PEX11G: variants seen among roughly 807,000 people sequenced by gnomAD.
PEX11G encodes the protein peroxisomal biogenesis factor 11 gamma.
A neutral mutation model predicts 22.5 loss-of-function variants in PEX11G; 20 were observed. The ratio of observed to expected loss-of-function variants is 0.89; its 90% CI spans 0.62 to 1.29. The LOEUF is 1.29. Ranked by LOEUF, PEX11G falls within the 50% of genes most tolerant of loss-of-function variation. The pLI, the probability that PEX11G is intolerant of heterozygous loss-of-function variation, is 0.00. For synonymous variants in PEX11G, 141 were observed against 154.5 expected, an observed-to-expected ratio of 0.91 and a Z score of 0.65; for missense variants, 347 against 331.3, an observed-to-expected ratio of 1.05 and a Z score of -0.37.
chr19:7,494,513 G>A (rs760618836), intron 1 of PEX11G, among the ~76,000 whole-genome samples: 25 of 152,188 alleles, frequency 1.6e-4, no homozygotes, highest in Non-Finnish European at 1.0e-4. Context: ...CAAGAGCCTT[G>A]GAACAGCGCA....
intron 1 of PEX11G, among the ~76,000 whole-genome samples, chr19:7,487,759 G>T (rs546766405): frequency 1.9e-3 from 296 of 152,210 alleles, no homozygotes; most frequent in Non-Finnish European, 3.1e-3. Flanking sequence ...TTCAGAAATT[G>T]CTTGTTCCTG....
intron 3 of PEX11G, among the ~76,000 whole-genome samples, chr19:7,479,054 G>A (rs1400807186): frequency 6.6e-6 from 1 of 152,242 alleles, no homozygotes; most frequent in Non-Finnish European, 1.5e-5. Flanking sequence ...AGAATGGGCA[G>A]GGCCTGGTCA....
upstream of PEX11G, among the ~76,000 whole-genome samples, chr19:7,493,227 C>T (rs1025723375): frequency 5.3e-5 from 8 of 151,890 alleles, no homozygotes; most frequent in African/African-American, 1.2e-4. Flanking sequence ...GAGTCTCACT[C>T]GGTTGCCCAG....
At chr19:7,481,672 G>A (rs1179183374) in intron 3 of PEX11G, among the ~76,000 whole-genome samples, 1 of 152,170 alleles carries the variant, frequency 6.6e-6, no homozygotes, top group Non-Finnish European at 1.5e-5. Context: ...ATGAGCCAAG[G>A]AATGTGGGTG....
intron 3 of PEX11G, among the ~76,000 whole-genome samples, chr19:7,480,535 T>G (rs1767373031): frequency 6.7e-6 from 1 of 150,334 alleles, no homozygotes; most frequent in Admixed American, 6.6e-5. Flanking sequence ...GGCAGGGTAT[T>G]AGGTCAAAGG....
intron 3 of PEX11G, among the ~76,000 whole-genome samples, chr19:7,480,858 CA>C (rs2145957629): frequency 6.6e-6 from 1 of 152,250 alleles, no homozygotes; most frequent in South Asian, 2.1e-4. Flanking sequence ...CTGGTGTTTT[CA>C]GGGGCAGGGG....
intron 3 of PEX11G, among the ~76,000 whole-genome samples, chr19:7,480,247 CAAA>C (rs59917736): frequency 7.4e-6 from 1 of 135,308 alleles, no homozygotes; most frequent in African/African-American, 2.7e-5. Context: ...CAGCCTGTCT[CAAA>C]AAAAAAAAAA....
At chr19:7,490,490 A>ATTTTTTTT (rs59322811), upstream of PEX11G, among the ~76,000 whole-genome samples, 430 of 114,230 alleles carry the variant, frequency 3.8e-3, no homozygotes, top group Non-Finnish European at 5.3e-3. Flanking sequence ...CGCCTGGGTA[A>ATTTTTTTT]TTTTTTTTTT....
upstream of PEX11G, among the ~76,000 whole-genome samples, chr19:7,490,285 A>C (rs1291664748): frequency 6.6e-6 from 1 of 152,146 alleles, no homozygotes; most frequent in Non-Finnish European, 1.5e-5. Flanking sequence ...TCCCATGTAC[A>C]CATAAGGTAC....
intron 1 of PEX11G, 98 bp downstream of exon 1, chr19:7,488,853 G>T: frequency 7.9e-7 from 1 of 1,271,034 alleles, no homozygotes; most frequent in Non-Finnish European, 1.1e-6. Flanking sequence ...CTGCGACGGA[G>T]TATCCTGGGC....
chr19:7,479,561 C>G (rs1002237440), intron 3 of PEX11G, among the ~76,000 whole-genome samples: 3 of 152,226 alleles, frequency 2.0e-5, no homozygotes, highest in African/African-American at 7.2e-5. Context: ...CTCCGGCAGC[C>G]CTGGGCCTTA....
chr19:7,482,350 G>A (rs1463158003), intron 2 of PEX11G, 139 bp from the exon 3 acceptor site: 1 of 1,013,504 alleles, frequency 9.9e-7, no homozygotes, highest in African/African-American at 1.6e-5. Flanking sequence ...GGCCCCGCGG[G>A]AGAAAGGCTC....
In PEX11G at chr19:7,487,728, A is replaced by G. The variant is rs576471130; in HGVS notation, c.60+1223T>C. Among the ~76,000 whole-genome samples the G allele has an allele frequency of 4.2e-4, 64 of 152,118 alleles. 1 individual carries two copies. The highest frequency in any genetic ancestry group is 1.4e-3 in the African/African-American group (58 of 41,496). ...CGAGCCACCACGCCTGGCCTCCCTTATATCTTTATTTTACCTGCTTTTCAG... is the reference window on the plus strand; with the variant it reads ...CGAGCCACCACGCCTGGCCTCCCTTGTATCTTTATTTTACCTGCTTTTCAG... On this transcript the variant is annotated intron_variant, in intron 1 of 4. Coordinates refer to ENST00000221480, the MANE Select transcript of PEX11G (RefSeq NM_080662.4).
chr19:7,477,326 C>G lies in PEX11G; in HGVS notation c.602G>C (p.Arg201Pro). The change falls in exon 5 of 5, where the codon CGG (arginine) becomes CCG (proline). Residue 201 changes from arginine (R) to proline (P), a missense_variant. Coordinates refer to ENST00000221480, the MANE Select transcript of PEX11G (RefSeq NM_080662.4). ...GAAGCGGCCGGCCCACAGCACGCCC[C>G]GGGGCAGCCAGTGCACGGCGTTGGC... ...DLANAVHWLP[R>P]GVLWAGRFPP... The G allele has an allele frequency of 1.3e-6, 2 of 1,560,174 alleles. No homozygotes were observed. Among genetic ancestry groups the G allele is most frequent in the South Asian group, 2.4e-5 (2 of 84,678 alleles).
intron 1 of PEX11G, among the ~76,000 whole-genome samples, chr19:7,486,767 T>C (rs1261162635): frequency 1.3e-5 from 2 of 152,036 alleles, no homozygotes; most frequent in African/African-American, 2.4e-5. Flanking sequence ...GCCCACCTAA[T>C]TTTTTGTATT....
Position 7,482,156 on chromosome 19 carries a change from A to G in PEX11G, c.305T>C (p.Leu102Pro). The change falls in exon 3 of 5, where the codon CTC becomes CCC. Residue 102 changes from leucine to proline, a missense_variant. Transcript: ENST00000221480. ...VSVLGNLADQLYYPCEHVAWA... is the reference protein window; with the variant it reads ...VSVLGNLADQPYYPCEHVAWA... The stretch of plus-strand genomic sequence containing the variant: ...GGCCACGTGCTCACAGGGGTAGTAG[A>G]GCTGGTCAGCCAGGTTCCCTAGGAC... The G allele has an allele frequency of 1.3e-6, 2 of 1,590,192 alleles. No homozygotes were observed. The highest frequency in any genetic ancestry group is 2.3e-5 in the South Asian group (2 of 87,204).
At chr19:7,479,183 C>T (rs925335608) in intron 3 of PEX11G, among the ~76,000 whole-genome samples, 7 of 152,160 alleles carry the variant, frequency 4.6e-5, no homozygotes, top group African/African-American at 1.7e-4. Flanking sequence ...TCCCCAGACC[C>T]ACAGAATCAG....
At chr19:7,481,205 T>C (rs575367469) in intron 3 of PEX11G, among the ~76,000 whole-genome samples, 1 of 148,508 alleles carries the variant, frequency 6.7e-6, no homozygotes, top group East Asian at 1.9e-4. Flanking sequence ...AAGCTAAGGA[T>C]TTTTTCTTTT....
intron 3 of PEX11G, among the ~76,000 whole-genome samples, chr19:7,478,926 G>A (rs1037882750): frequency 2.6e-5 from 4 of 152,146 alleles, no homozygotes; most frequent in African/African-American, 9.7e-5. Flanking sequence ...TACCCAGTGG[G>A]CAGCCTCTGT....
Sources: gnomAD v4.1 joint callset for allele counts (sites outside exome capture counted in the v4.1 genomes callset) on GRCh38, gnomAD v4.1.1 for gene constraint, MANE v1.5 for transcripts, NCBI Gene and HGNC (gene_info 2026-07-23, HGNC 2026-07-21) for gene names.